POTEF: variants seen among roughly 807,000 people sequenced by gnomAD.
POTEF encodes ANKRD26-like family C member 1B.
A neutral mutation model predicts 83.2 loss-of-function variants in POTEF; 20 were observed. The ratio of observed to expected loss-of-function variants is 0.24; its 90% confidence interval spans 0.17 to 0.35. The LOEUF is 0.35. POTEF is among the 10% of genes least tolerant of loss of function. The pLI is 1.00. For synonymous variants in POTEF, 196 were observed against 446.4 expected (o/e 0.44, Z 7.07); for missense variants, 550 against 1,203.2 (o/e 0.46, Z 8.03).
chr2:130,102,452 G>GT (rs1285985717), intron 8 of POTEF, among the ~76,000 whole-genome samples: 1 of 125,380 alleles, frequency 8.0e-6, no homozygotes, highest in East Asian at 2.2e-4. Context: ...AGCATCTAAG[G>GT]TAACACAGTA....
intron 7 of POTEF, among the ~76,000 whole-genome samples, chr2:130,108,588 AT>A (rs1413982197): frequency 6.6e-6 from 1 of 150,898 alleles, no homozygotes; most frequent in Non-Finnish European, 1.5e-5. Context: ...ATAAAACCCA[AT>A]GCGTATTTTG....
Position 130,074,926 on chromosome 2 carries a change from G to A in POTEF, c.2546C>T (p.Thr849Ile), listed in dbSNP as rs761244648. The A allele has an allele frequency of 6.2e-7, 1 of 1,605,292 alleles. No homozygotes were observed. The highest frequency in any genetic ancestry group is 1.7e-5 in the Admixed American group (1 of 58,612). The change falls in exon 17 of 17, where the codon ACT becomes ATT. Residue 849 changes from threonine (T) to isoleucine (I), a missense_variant. Coordinates refer to ENST00000409914, the MANE Select transcript of POTEF (RefSeq NM_001099771.2). The part of the protein sequence containing the change: ...VLSLYTSGRT[T>I]GIVMDSGDGV... ...GTCACCAGAGTCCATCACGATGCCA[G>A]TAGTACGGCCAGAGGTGTACAGGGA...
Position 130,120,134 on chromosome 2 carries a change from A to G in POTEF, c.382T>C (p.Phe128Leu). The G allele has an allele frequency of 6.2e-7, 1 of 1,609,254 alleles. No homozygotes were observed. The highest frequency in any genetic ancestry group is 8.5e-7 in the Non-Finnish European group (1 of 1,179,440). ...CGGACGTGGTACCTGGGCTCCATGA[A>G]GGCACTGTCATCGTAGTCTCCCCAA... ...GAWGDYDDSA[F>L]MEPRYHVRGE... The change falls in exon 3 of 17, where the codon TTC becomes CTC. Residue 128 changes from phenylalanine to leucine, a missense_variant. By Grantham distance (22) the Phe-to-Leu change is conservative. Coordinates refer to ENST00000409914, the MANE Select transcript of POTEF (RefSeq NM_001099771.2).
chr2:130,128,101 G>A (rs955678016), intron 1 of POTEF, among the ~76,000 whole-genome samples: 4 of 147,500 alleles, frequency 2.7e-5, no homozygotes, highest in Non-Finnish European at 5.9e-5. Context: ...ACTCCTTGGG[G>A]AGCAGGAGTA....
At chr2:130,104,536 C>T in intron 8 of POTEF, among the ~76,000 whole-genome samples, 1 of 151,068 alleles carries the variant, frequency 6.6e-6, no homozygotes, top group East Asian at 1.9e-4. Context: ...TTGCAGGCTG[C>T]AAGCGGGGAA....
intron 7 of POTEF, among the ~76,000 whole-genome samples, chr2:130,108,330 G>T (rs562851137): frequency 1.7e-3 from 260 of 151,860 alleles, no homozygotes; most frequent in African/African-American, 6.1e-3. Context: ...GCATTAGCAT[G>T]ACATAATAGA....
At chr2:130,075,885 A>G (rs1223212425) in intron 16 of POTEF, among the ~76,000 whole-genome samples, 1 of 151,264 alleles carries the variant, frequency 6.6e-6, no homozygotes, top group Non-Finnish European at 1.5e-5. Flanking sequence ...AGAATTAAAA[A>G]AAGCCTTTTT....
chr2:130,127,533 C>G (rs1375440379), intron 2 of POTEF, among the ~76,000 whole-genome samples, 176 bp downstream of exon 2: 3 of 151,042 alleles, frequency 2.0e-5, no homozygotes, highest in Non-Finnish European at 4.4e-5. Context: ...CCAGCAGGTT[C>G]GTCCCCACCC....
intron 8 of POTEF, among the ~76,000 whole-genome samples, chr2:130,102,809 T>C (rs1314272575): frequency 1.3e-5 from 2 of 151,698 alleles, no homozygotes; most frequent in African/African-American, 4.9e-5. Flanking sequence ...ACTGTCACTA[T>C]ATGATTAACT....
At chr2:130,122,702 TTCA>T (rs1450286107) in intron 2 of POTEF, among the ~76,000 whole-genome samples, 2 of 151,368 alleles carry the variant, frequency 1.3e-5, no homozygotes, top group African/African-American at 2.5e-5. Flanking sequence ...TTCAATTTCT[TTCA>T]TCAATGTGCT....
In POTEF at chr2:130,120,273, G is replaced by A. The variant is rs750656801; in HGVS notation, c.243C>T (p.Gly81=). ...CAGAGTCGTCGTGGTCTCCAGAAGC[G>A]CCCACGTTGCTCTTGCCACTCCCCC... ...CCRGSGKSNV[G]ASGDHDDSAM... is the part of the protein sequence containing the mutation. Residue 81 remains glycine, a synonymous_variant, in exon 3 of 17, where the codon GGC becomes GGT. Coordinates refer to ENST00000409914, the MANE Select transcript of POTEF (RefSeq NM_001099771.2). 21 of 1,607,118 alleles carry A rather than the reference G, an allele frequency of 1.3e-5. No individual in the cohort carries two copies. Among genetic ancestry groups the A allele is most frequent in the East Asian group, 4.5e-5 (2 of 44,674 alleles).
At chr2:130,089,031 C>CCT (rs574561699) in intron 12 of POTEF, among the ~76,000 whole-genome samples, 2 of 117,856 alleles carry the variant, frequency 1.7e-5, no homozygotes, top group African/African-American at 3.2e-5. Context: ...TATTCCTCCA[C>CCT]GTCTGTCCCC....
In POTEF at chr2:130,073,943, C is replaced by T. The variant is rs540792138; in HGVS notation, c.*301G>A. 3.9e-3 allele frequency: 2,139 copies of T among 547,728 alleles called. 15 individuals carry two copies. Among genetic ancestry groups the T allele is most frequent in the Non-Finnish European group, 5.1e-3 (1,583 of 307,532 alleles). The allele number at this position is 547,728 out of a possible 1,614,324, so 33.9% of individuals were successfully genotyped here. A position where few individuals can be genotyped will look rare whatever the true frequency, so the allele number is the denominator to read the frequency against. On this transcript the variant is annotated 3_prime_UTR_variant, in exon 17 of 17. Transcript: ENST00000409914. Reference sequence around the variant, plus strand: ...TTCTCCTTAGAGAGAAGTGGGGTGGCTTTTAGCAGGGCAAGGGGCTTCCTG... The same window carrying T: ...TTCTCCTTAGAGAGAAGTGGGGTGGTTTTTAGCAGGGCAAGGGGCTTCCTG...
chr2:130,111,909 T>C (rs1684722627), intron 6 of POTEF, 86 bp downstream of exon 6: 11 of 1,083,634 alleles, frequency 1.0e-5, no homozygotes, highest in South Asian at 9.1e-5. Flanking sequence ...TCCCAGTAAG[T>C]ATACATTAAT....
intron 13 of POTEF, among the ~76,000 whole-genome samples, chr2:130,087,529 G>T: frequency 2.5e-5 from 1 of 39,352 alleles, no homozygotes; most frequent in African/African-American, 1.3e-4. Context: ...TTTTATAGTG[G>T]GTTATGTTGA....
Position 130,120,085 on chromosome 2 carries a change from T to C in POTEF, c.431A>G (p.His144Arg), listed in dbSNP as rs377205279. ...GACTTTACCCCACCAGGCAGCTCTG[T>C]GGAGCTTGTCCAGATCTTCTCCACG... ...HVRGEDLDKLHRAAWWGKVPR... is the reference protein window; with the variant it reads ...HVRGEDLDKLRRAAWWGKVPR... Residue 144 changes from histidine (H) to arginine (R), a missense_variant, in exon 3 of 17, where the codon CAC becomes CGC. Transcript: ENST00000409914. 3.1e-5 allele frequency: 49 copies of C among 1,601,704 alleles called. 2 individuals carry two copies. In the African/African-American group the frequency reaches 5.8e-4, roughly 19 times the overall value.
chr2:130,104,470 A>G (rs1422087625), intron 8 of POTEF, among the ~76,000 whole-genome samples: 351 of 148,232 alleles, frequency 2.4e-3, no homozygotes, highest in African/African-American at 8.4e-3. Flanking sequence ...TTATTTATAT[A>G]TTGCTTTGTT....
rs1683695113 is a variant in POTEF at position 130,073,961 on chromosome 2, G to A, written c.*283C>T. 1.7e-5 allele frequency: 10 copies of A among 602,744 alleles called. No individual in the cohort carries two copies. The South Asian group carries it at 1.8e-4, about 11-fold the overall frequency. The allele number at this position is 602,744 out of a possible 1,614,324, so 37.3% of individuals were successfully genotyped here. A position where few individuals can be genotyped will look rare whatever the true frequency, so the allele number is the denominator to read the frequency against. On this transcript the variant is annotated 3_prime_UTR_variant, in exon 17 of 17. Transcript: ENST00000409914. Reference sequence around the variant, plus strand: ...GGGGTGGCTTTTAGCAGGGCAAGGGGCTTCCTGAAACAATGCGTCTCACAA... The same window carrying A: ...GGGGTGGCTTTTAGCAGGGCAAGGGACTTCCTGAAACAATGCGTCTCACAA...
At chr2:130,123,594 A>G (rs1379665277) in intron 2 of POTEF, among the ~76,000 whole-genome samples, 1 of 151,874 alleles carries the variant, frequency 6.6e-6, no homozygotes, top group Admixed American at 6.6e-5. Context: ...AATTGATACT[A>G]TTTACTAAAT....
Sources: allele counts gnomAD v4.1 joint callset (sites outside exome capture counted in the v4.1 genomes callset), GRCh38; gene constraint gnomAD v4.1.1; transcripts MANE v1.5; gene names NCBI Gene and HGNC (gene_info 2026-07-23, HGNC 2026-07-21).